Variants in IGF2BP2 observed in about 807,000 individuals in gnomAD.
IGF2BP2 encodes insulin like growth factor 2 mRNA binding protein 2, also known as insulin-like growth factor 2 mRNA-binding protein 2.
In IGF2BP2, 17 loss-of-function variants were observed where a neutral mutation model predicts 75.8. That is an observed-to-expected ratio of 0.22 (90% CI 0.15 to 0.34). IGF2BP2 has a LOEUF of 0.34. Ranked by LOEUF, IGF2BP2 falls within the 10% of genes least tolerant of loss-of-function variation. The pLI is 1.00. For synonymous variants in IGF2BP2, 288 were observed against 295.6 expected (o/e 0.97, Z 0.26); for missense variants, 516 against 772.4 (o/e 0.67, Z 3.93).
At chr3:185,791,459 G>A (rs1736631777) in intron 2 of IGF2BP2, among the ~76,000 whole-genome samples, 1 of 152,222 alleles carries the variant, frequency 6.6e-6, no homozygotes, top group Non-Finnish European at 1.5e-5. Context: ...TGCCAAGAAT[G>A]GAAATGGAGA....
intron 2 of IGF2BP2, among the ~76,000 whole-genome samples, chr3:185,721,875 G>A (rs2149471404): frequency 6.6e-6 from 1 of 152,250 alleles, no homozygotes; most frequent in East Asian, 1.9e-4. Flanking sequence ...CTTTCAGCAA[G>A]TCAGGGCAGT....
intron 2 of IGF2BP2, chr3:185,728,901 T>C (rs1453094811): frequency 6.6e-6 from 1 of 152,176 alleles, no homozygotes; most frequent in South Asian, 2.1e-4. Flanking sequence ...CATACCAAGA[T>C]GTTATTTGCC....
intron 2 of IGF2BP2, among the ~76,000 whole-genome samples, chr3:185,714,532 T>A (rs1663312009): frequency 6.6e-6 from 1 of 152,196 alleles, no homozygotes; most frequent in African/African-American, 2.4e-5. Flanking sequence ...TCCCCATGTA[T>A]CTGAAACATG....
chr3:185,679,316 A>G (rs1212081647), intron 7 of IGF2BP2, among the ~76,000 whole-genome samples: 2 of 152,088 alleles, frequency 1.3e-5, no homozygotes, highest in Non-Finnish European at 2.9e-5. Context: ...AAAACATCTT[A>G]AAGTCATAGC....
At chr3:185,672,792 T>A in intron 9 of IGF2BP2, 123 bp from the exon 10 acceptor site, 1 of 1,059,150 alleles carries the variant, frequency 9.4e-7, no homozygotes, top group Non-Finnish European at 1.4e-6. Flanking sequence ...GCCCAGGCTC[T>A]TCCTACCCTG....
intron 2 of IGF2BP2, among the ~76,000 whole-genome samples, chr3:185,766,521 T>G (rs1733090108): frequency 6.6e-6 from 1 of 152,174 alleles, no homozygotes; most frequent in African/African-American, 2.4e-5. Context: ...TAAATAAAGT[T>G]TTATTGGAAC....
chr3:185,681,489 T>C (rs1392722200), intron 7 of IGF2BP2, among the ~76,000 whole-genome samples: 1 of 152,192 alleles, frequency 6.6e-6, no homozygotes, highest in Non-Finnish European at 1.5e-5. Context: ...TACTTAATAT[T>C]GTGAAGATGT....
intron 2 of IGF2BP2, among the ~76,000 whole-genome samples, chr3:185,733,363 C>T (rs1184780011): frequency 1.3e-5 from 2 of 152,184 alleles, no homozygotes; most frequent in African/African-American, 2.4e-5. Flanking sequence ...ACCCACTCAT[C>T]ATCATTTACT....
intron 2 of IGF2BP2, among the ~76,000 whole-genome samples, chr3:185,726,252 C>A (rs1017439354): frequency 6.6e-6 from 1 of 152,122 alleles, no homozygotes; most frequent in Non-Finnish European, 1.5e-5. Context: ...GGAATGGACC[C>A]AGGGTCAGAG....
At chr3:185,792,007 T>C (rs541425210) in intron 2 of IGF2BP2, among the ~76,000 whole-genome samples, 23 of 152,318 alleles carry the variant, frequency 1.5e-4, no homozygotes, top group Non-Finnish European at 4.4e-5. Flanking sequence ...ATATTTGGCA[T>C]GGATCATGCA....
rs182799562 is a variant in IGF2BP2 at position 185,689,544 on chromosome 3, G to A, written c.488C>T (p.Pro163Leu). The A allele has an allele frequency of 9.9e-5, 160 of 1,614,134 alleles. No homozygotes were observed. The highest frequency in any genetic ancestry group is 1.2e-4 in the Non-Finnish European group (144 of 1,180,056). ...SYIPDEEVSS[P>L]SPPQRAQRGD... ...ACGCTGGGCTCGCTGAGGGGGCGAA[G>A]GGGAGCTCACCTCTTCATCCGGGAT... is the stretch of plus-strand genomic sequence containing the variant. The change falls in exon 6 of 16, where the codon CCT (proline) becomes CTT (leucine). Residue 163 changes from proline (P) to leucine (L), a missense_variant. Around this residue, in one of 3 missense-constraint regions of IGF2BP2, gnomAD observed 312 missense variants for 474.5 expected, o/e 0.66. Coordinates refer to ENST00000382199, the MANE Select transcript of IGF2BP2 (RefSeq NM_006548.6).
At chr3:185,688,298 G>A (rs1167861500) in intron 6 of IGF2BP2, among the ~76,000 whole-genome samples, 6 of 152,158 alleles carry the variant, frequency 3.9e-5, no homozygotes, top group Non-Finnish European at 7.3e-5. Flanking sequence ...CTCCCTGATT[G>A]TGCTAATTGT....
intron 2 of IGF2BP2, among the ~76,000 whole-genome samples, chr3:185,735,435 T>C (rs1477942683): frequency 6.6e-6 from 1 of 152,202 alleles, no homozygotes; most frequent in Non-Finnish European, 1.5e-5. Flanking sequence ...CATGAGCCAC[T>C]GTGCCTGGCC....
At chr3:185,794,026 A>T (rs1021930888) in intron 2 of IGF2BP2, among the ~76,000 whole-genome samples, 7 of 150,794 alleles carry the variant, frequency 4.6e-5, no homozygotes, top group Non-Finnish European at 7.4e-5. Context: ...TGGTACAAAC[A>T]AACTCACTGC....
chr3:185,789,509 C>T (rs909015145), intron 2 of IGF2BP2, among the ~76,000 whole-genome samples: 1 of 152,078 alleles, frequency 6.6e-6, no homozygotes, highest in Non-Finnish European at 1.5e-5. Flanking sequence ...AGGAAGCCCA[C>T]CAGCAGCAAG....
At position 185,657,343 on chromosome 3, in the gene IGF2BP2, G is replaced by A. The variant is rs372305624; in HGVS notation, c.1329C>T (p.Ile443=). Residue 443 remains isoleucine, a synonymous_variant, in exon 12 of 16, where the codon ATC becomes ATT. Coordinates refer to ENST00000382199, the MANE Select transcript of IGF2BP2 (RefSeq NM_006548.6). The part of the protein sequence containing the change: ...FIPTQAVGAI[I]GKKGAHIKQL... ...GTTTGATGTGTGCCCCCTTCTTCCC[G>A]ATGATGGCGCCCACAGCCTGGGTTG... is the stretch of plus-strand genomic sequence containing the variant. The A allele has an allele frequency of 4.2e-5, 67 of 1,613,892 alleles. No homozygotes were observed. The highest frequency in any genetic ancestry group is 2.7e-4 in the African/African-American group (20 of 74,918).
chr3:185,652,915 G>A (rs1340599439), intron 12 of IGF2BP2, among the ~76,000 whole-genome samples: 2 of 152,112 alleles, frequency 1.3e-5, no homozygotes, highest in Non-Finnish European at 2.9e-5. Flanking sequence ...GGGTTCAAGC[G>A]AGTCTCCTGC....
Position 185,647,955 on chromosome 3 carries a change from T to C in IGF2BP2, c.1594-817A>G, listed in dbSNP as rs146953443. ...ATAGCTAAACAGGACACCCAGGGGC[T>C]CAGGATTCTACTCCCTGCTGATCCA... On this transcript the variant is annotated intron_variant, in intron 14 of 15. Coordinates refer to ENST00000382199, the MANE Select transcript of IGF2BP2 (RefSeq NM_006548.6). This position sits in a 1 kb window ranked among gnomAD's most constrained non-coding sequence, Gnocchi z 4.9. 2.4e-3 allele frequency among the ~76,000 whole-genome samples: 371 copies of C among 152,352 alleles called. 2 individuals are homozygous for C. Among genetic ancestry groups the C allele is most frequent in the African/African-American group, 7.9e-3 (329 of 41,590 alleles).
chr3:185,772,116 C>T (rs1374305790), intron 2 of IGF2BP2, among the ~76,000 whole-genome samples: 3 of 152,120 alleles, frequency 2.0e-5, no homozygotes, highest in Non-Finnish European at 2.9e-5. Flanking sequence ...TTCTTTTCTG[C>T]TTGTCCACAC....
Sources: gnomAD v4.1 joint callset for allele counts (sites outside exome capture counted in the v4.1 genomes callset) on GRCh38, gnomAD v4.1.1 for gene constraint, gnomAD v4.1.1 regional missense constraint, Gnocchi (gnomAD v3.1) non-coding constraint, MANE v1.5 for transcripts, NCBI Gene and HGNC (gene_info 2026-07-23, HGNC 2026-07-21) for gene names.